The following TNXB variants were observed in gnomAD, a reference collection of about 807,000 sequenced individuals.
The protein encoded by TNXB is tenascin XB, also known as tenascin-X.
In TNXB, 183 loss-of-function variants were observed where a neutral mutation model predicts 340.5. The observed-to-expected ratio is 0.54, with a 90% CI of 0.48 to 0.61. The LOEUF is 0.61. Among genes scored for constraint, TNXB ranks in the 20% least tolerant of loss-of-function variants. The probability of loss-of-function intolerance (pLI) is 0.00; values close to 1 mark genes in which losing one functional copy is unlikely to be tolerated. For missense variants in TNXB, 4,613 were observed against 5,446.4 expected (o/e 0.85, Z 4.82); for synonymous variants, 2,121 against 2,314.5 (o/e 0.92, Z 2.40).
chr6:32,065,029 G>T lies in TNXB; in HGVS notation c.6633C>A (p.Ser2211Arg). The change falls in exon 19 of 44, where the codon AGC (serine) becomes AGA (arginine). Residue 2211 changes from serine to arginine, a missense_variant. Transcript: ENST00000644971. ...GGCCCTCGGGGACTGTCCAGGAGAG[G>T]CTGAGGGAGTCGGAGGTGATGTCTC... is the stretch of plus-strand genomic sequence containing the variant. ...TVRDITSDSL[S>R]LSWTVPEGQF... is the part of the protein sequence containing the mutation. The T allele has an allele frequency of 6.2e-7, 1 of 1,609,308 alleles. No individual in the cohort carries two copies. Among genetic ancestry groups the T allele is most frequent in the Non-Finnish European group, 8.5e-7 (1 of 1,178,320 alleles).
rs1455354242 is a variant in TNXB at position 32,074,457 on chromosome 6, G to A, written c.4376-505C>T. On this transcript the variant is annotated intron_variant, in intron 11 of 43. Coordinates refer to ENST00000644971, the MANE Select transcript of TNXB (RefSeq NM_001365276.2). The surrounding 1 kb of genome is among the most constrained non-coding windows in gnomAD (Gnocchi z 5.5). ...AGGCTGCATTTGTTGGGGGAGAAGA[G>A]TATCAACCATCACTGACACCCTGGG... is the stretch of plus-strand genomic sequence containing the variant. Among the ~76,000 whole-genome samples the A allele has an allele frequency of 6.6e-6, 1 of 152,198 alleles. No homozygotes were observed. Among genetic ancestry groups the A allele is most frequent in the African/African-American group, 2.4e-5 (1 of 41,446 alleles).
Position 32,096,491 on chromosome 6 carries a change from C to A in TNXB, c.1362G>T (p.Ala454=), listed in dbSNP as rs1405491067. The A allele has an allele frequency of 6.2e-7, 1 of 1,600,674 alleles. No homozygotes were observed. Among genetic ancestry groups the A allele is most frequent in the Admixed American group, 1.7e-5 (1 of 59,868 alleles). ...CACCGCAGTCCTCGCCGCTGTAGCC[C>A]GCATTGCAAACACACACGCCGTTCT... ...RCENGVCVCN[A]GYSGEDCGVR... The change falls in exon 3 of 44, where the codon GCG becomes GCT. Residue 454 remains alanine (A), a synonymous_variant. Coordinates refer to ENST00000644971, the MANE Select transcript of TNXB (RefSeq NM_001365276.2).
intron 13 of TNXB, among the ~76,000 whole-genome samples, chr6:32,071,240 G>A (rs1346469248): frequency 1.3e-5 from 2 of 152,222 alleles, no homozygotes; most frequent in African/African-American, 4.8e-5. Context: ...ACTTCAGGAG[G>A]AGGGCAGAGA....
In TNXB at chr6:32,089,994, T is replaced by C. The variant is rs1780005404; in HGVS notation, c.2359-615A>G. On this transcript the variant is annotated intron_variant, in intron 4 of 43. Transcript: ENST00000644971. The surrounding 1 kb of genome is among the most constrained non-coding windows in gnomAD (Gnocchi z 6.2). ...CACCCTGAACCTCCTCGTAGATGCC[T>C]GCTCATGGCTGTGTAACAGGAGTGG... Among the ~76,000 whole-genome samples the C allele has an allele frequency of 6.6e-6, 1 of 152,212 alleles. No individual in the cohort carries two copies. The highest frequency in any genetic ancestry group is 1.5e-5 in the Non-Finnish European group (1 of 68,036).
chr6:32,089,410 G>A lies in TNXB; in HGVS notation c.2359-31C>T. 2 of 1,587,758 alleles carry A rather than the reference G, an allele frequency of 1.3e-6. No individual in the cohort carries two copies. Among genetic ancestry groups the A allele is most frequent in the Non-Finnish European group, 8.6e-7 (1 of 1,169,112 alleles). On this transcript the variant is annotated intron_variant, in intron 4 of 43. Transcript: ENST00000644971. The surrounding 1 kb of genome is among the most constrained non-coding windows in gnomAD (Gnocchi z 6.2). ...AGAGAGAGCACCAGGTGGCTCAGGGGCTGGCACTCTTGCCTCTGCTGCTCA... is the reference window on the plus strand; with the variant it reads ...AGAGAGAGCACCAGGTGGCTCAGGGACTGGCACTCTTGCCTCTGCTGCTCA...
chr6:32,081,953 G>A lies in TNXB; in HGVS notation c.3736+83C>T, dbSNP rs949134310. The stretch of plus-strand genomic sequence containing the variant: ...GCTGGAGTCAGCTGTCTTGCTGGGG[G>A]ACCCCAGCTGGTTTTGGGCTGAAGG... On this transcript the variant is annotated intron_variant, in intron 9 of 43. Coordinates refer to ENST00000644971, the MANE Select transcript of TNXB (RefSeq NM_001365276.2). The surrounding 1 kb of genome is among the most constrained non-coding windows in gnomAD (Gnocchi z 5.1). The A allele has an allele frequency of 5.8e-6, 8 of 1,383,410 alleles. No individual in the cohort carries two copies. In the Admixed American group the frequency reaches 8.2e-5, roughly 14 times the overall value. The allele number at this position is 1,383,410 out of a possible 1,614,324, so 85.7% of individuals were successfully genotyped here.
chr6:32,068,136 A>G lies in TNXB; in HGVS notation c.6221-152T>C, dbSNP rs768815438. ...CCTGCTCAGCTGACAGCTAACACAC[A>G]TGACAAGTTCCAGGGTCAGCTGTGG... On this transcript the variant is annotated intron_variant, in intron 17 of 43. Transcript: ENST00000644971. The surrounding 1 kb of genome is among the most constrained non-coding windows in gnomAD (Gnocchi z 5.3). Among the ~76,000 whole-genome samples, 2 of 152,144 alleles carry G rather than the reference A, an allele frequency of 1.3e-5. No individual in the cohort carries two copies. The highest frequency in any genetic ancestry group is 2.9e-5 in the Non-Finnish European group (2 of 68,012).
Position 32,067,578 on chromosome 6 carries a change from G to T in TNXB, c.6544+83C>A. 6.6e-7 allele frequency: 1 copy of T among 1,516,922 alleles called. No individual in the cohort carries two copies. The highest frequency in any genetic ancestry group is 8.8e-7 in the Non-Finnish European group (1 of 1,131,610). The allele number at this position is 1,516,922 out of a possible 1,614,324, so 94.0% of individuals were successfully genotyped here. A position where few individuals can be genotyped will look rare whatever the true frequency, so the allele number is the denominator to read the frequency against. On this transcript the variant is annotated intron_variant, in intron 18 of 43. Coordinates refer to ENST00000644971, the MANE Select transcript of TNXB (RefSeq NM_001365276.2). The surrounding 1 kb of genome is among the most constrained non-coding windows in gnomAD (Gnocchi z 4.2). ...GTGTATTACAGGTTTGAGGTCTTGG[G>T]GTTCTGGGTCCCTAGTGGAGGAGAT...
In TNXB at chr6:32,061,563, G is replaced by A. The variant is rs564152667; in HGVS notation, c.7326C>T (p.Thr2442=). Residue 2442 remains threonine (T), a synonymous_variant, in exon 21 of 44, where the codon ACC becomes ACT. Transcript: ENST00000644971. The surrounding 1 kb of genome is among the most constrained non-coding windows in gnomAD (Gnocchi z 4.4). ...TVPQGRFDSF[T]VQYKDRDGRP... ...GCCCGTCCCTGTCCTTGTACTGCACGGTGAAGGAGTCGAAGCGGCCCTGGG... is the reference window on the plus strand; with the variant it reads ...GCCCGTCCCTGTCCTTGTACTGCACAGTGAAGGAGTCGAAGCGGCCCTGGG... The A allele has an allele frequency of 1.6e-5, 26 of 1,613,476 alleles. No individual in the cohort carries two copies. Among genetic ancestry groups the A allele is most frequent in the South Asian group, 4.4e-5 (4 of 91,074 alleles).
rs940810706 is a variant in TNXB, at chr6:32,096,317, G to C, written c.1536C>G (p.Cys512Trp). Residue 512 changes from cysteine to tryptophan, a missense_variant, in exon 3 of 44, where the codon TGC becomes TGG. Coordinates refer to ENST00000644971, the MANE Select transcript of TNXB (RefSeq NM_001365276.2). The part of the protein sequence containing the change: ...RGRGRCVDGR[C>W]VCNPGFTGED... ...CACCGGTGAAGCCCGGGTTGCACAC[G>C]CAGCGGCCATCCACGCAGCGCCCGC... 6.5e-7 allele frequency: 1 copy of C among 1,549,730 alleles called. No homozygotes were observed. The highest frequency in any genetic ancestry group is 8.7e-7 in the Non-Finnish European group (1 of 1,152,732).
intron 1 of TNXB, among the ~76,000 whole-genome samples, chr6:32,104,382 T>TG (rs893445177): frequency 6.6e-6 from 1 of 152,202 alleles, no homozygotes; most frequent in African/African-American, 2.4e-5. Flanking sequence ...GCCTGTAACC[T>TG]GAACTCACGG....
intron 11 of TNXB, among the ~76,000 whole-genome samples, 188 bp downstream of exon 11, chr6:32,078,845 G>C (rs556014199): frequency 6.6e-6 from 1 of 152,248 alleles, no homozygotes; most frequent in Non-Finnish European, 1.5e-5. Context: ...CAGAGGTGCA[G>C]AAAGTTTAAA....
chr6:32,042,224 C>T, intron 41 of TNXB, 42 bp downstream of exon 41: 1 of 878,448 alleles, frequency 1.1e-6, no homozygotes, highest in Non-Finnish European at 1.8e-6. Context: ...CACAGGGCCC[C>T]CATCCCCATC....
Position 32,052,169 on chromosome 6 carries a change from C to T in TNXB, c.9115+501G>A, listed in dbSNP as rs367364. On this transcript the variant is annotated intron_variant, in intron 26 of 43. Coordinates refer to ENST00000644971, the MANE Select transcript of TNXB (RefSeq NM_001365276.2). This position sits in a 1 kb window ranked among gnomAD's most constrained non-coding sequence, Gnocchi z 4.7. Reference sequence around the variant, plus strand: ...GAGAATCTTGTTAGAAATGGATGGTCGGCTGGGCGCCGTGGCTCACGCCTA... The same window carrying T: ...GAGAATCTTGTTAGAAATGGATGGTTGGCTGGGCGCCGTGGCTCACGCCTA... Among the ~76,000 whole-genome samples the T allele has an allele frequency of 0.099, 15,043 of 152,132 alleles. 936 individuals carry two copies. The highest frequency in any genetic ancestry group is 0.15 in the Non-Finnish European group (10,021 of 67,996).
intron 6 of TNXB, among the ~76,000 whole-genome samples, chr6:32,088,293 C>A (rs1425933272): frequency 2.6e-5 from 4 of 152,084 alleles, no homozygotes; most frequent in African/African-American, 9.7e-5. Context: ...AGGTGGGTGT[C>A]CCCCTGTCAC....
In TNXB at chr6:32,049,434, A is replaced by G. The variant is rs1777120039; in HGVS notation, c.9593T>C (p.Val3198Ala). ...VPQGRFDSFT[V>A]QYKDRDGQPQ... ...CTGCCCGTCCCTGTCCTTGTACTGC[A>G]CGGTGAAGGAGTCGAAGCGGCCCTG... is the stretch of plus-strand genomic sequence containing the variant. The change falls in exon 28 of 44, where the codon GTG becomes GCG. Residue 3198 changes from valine (V) to alanine (A), a missense_variant. This residue lies in a region of TNXB where 4,327 missense variants were observed against 4,859.4 expected (regional missense o/e 0.89). Coordinates refer to ENST00000644971, the MANE Select transcript of TNXB (RefSeq NM_001365276.2). The surrounding 1 kb of genome is among the most constrained non-coding windows in gnomAD (Gnocchi z 4.5). The G allele has an allele frequency of 6.2e-7, 1 of 1,612,560 alleles. No homozygotes were observed. The highest frequency in any genetic ancestry group is 1.3e-5 in the African/African-American group (1 of 74,860).
chr6:32,056,692 G>A lies in TNXB; in HGVS notation c.8037C>T (p.Asp2679=), dbSNP rs887672521. ...PKAVRVPGHE[D]GVTISGLEPD... The stretch of plus-strand genomic sequence containing the variant: ...GCTCCAGGCCTGAGATGGTGACCCC[G>A]TCCTCGTGCCCCGGCACCCGCACCG... Residue 2679 remains aspartate (D), a synonymous_variant, in exon 23 of 44, where the codon GAC becomes GAT. Coordinates refer to ENST00000644971, the MANE Select transcript of TNXB (RefSeq NM_001365276.2). 1.7e-5 allele frequency: 28 copies of A among 1,612,984 alleles called. No homozygotes were observed. Among genetic ancestry groups the A allele is most frequent in the Non-Finnish European group, 2.1e-5 (25 of 1,179,886 alleles).
chr6:32,060,966 A>T (rs1777970595), intron 21 of TNXB, among the ~76,000 whole-genome samples: 2 of 151,980 alleles, frequency 1.3e-5, no homozygotes, highest in Non-Finnish European at 2.9e-5. Context: ...ATGTAACATT[A>T]TAAAGTAAGG....
rs752068099 is a variant in TNXB, at chr6:32,068,991, G to A, written c.5733C>T (p.Phe1911=). The A allele has an allele frequency of 1.2e-6, 2 of 1,612,768 alleles. No homozygotes were observed. Among genetic ancestry groups the A allele is most frequent in the African/African-American group, 1.3e-5 (1 of 74,920 alleles). Residue 1911 remains phenylalanine (F), a synonymous_variant, in exon 16 of 44, where the codon TTC becomes TTT. Coordinates refer to ENST00000644971, the MANE Select transcript of TNXB (RefSeq NM_001365276.2). The surrounding 1 kb of genome is among the most constrained non-coding windows in gnomAD (Gnocchi z 5.3). ...CGTCTCTATCTGTGTACTGGATTTC[G>A]AAGGAGTCAAATTCTCCCTCAGTCA... ...WMVTEGEFDS[F]EIQYTDRDGQ...
Sources: allele counts gnomAD v4.1 joint callset (sites outside exome capture counted in the v4.1 genomes callset), GRCh38; gene constraint gnomAD v4.1.1; regional missense constraint gnomAD v4.1.1; non-coding constraint Gnocchi (gnomAD v3.1); transcripts MANE v1.5; gene names NCBI Gene and HGNC (gene_info 2026-07-23, HGNC 2026-07-21).